The following KAZN variants were observed in gnomAD, a reference collection of about 807,000 sequenced individuals.
KAZN encodes kazrin.
A neutral mutation model predicts 87.4 loss-of-function variants in KAZN; 40 were observed. That is an observed-to-expected ratio of 0.46 (90% CI 0.36 to 0.60). KAZN has a LOEUF of 0.60. Among genes scored for constraint, KAZN ranks in the 20% least tolerant of loss-of-function variants. The pLI, the probability that KAZN is intolerant of heterozygous loss-of-function variation, is 0.00. For synonymous variants in KAZN, 466 were observed against 458.3 expected, an observed-to-expected ratio of 1.02 and a Z score of -0.22; for missense variants, 898 against 1,073.9, an observed-to-expected ratio of 0.84 and a Z score of 2.29.
chr1:14,677,125 C>T (rs1640272846), intron 1 of KAZN, among the ~76,000 whole-genome samples: 1 of 152,104 alleles, frequency 6.6e-6, no homozygotes, highest in African/African-American at 2.4e-5. Context: ...GCATACCTCT[C>T]TTTGTGTCAT....
intron 1 of KAZN, among the ~76,000 whole-genome samples, chr1:14,691,733 C>T (rs185611845): frequency 8.5e-5 from 13 of 152,118 alleles, no homozygotes; most frequent in Non-Finnish European, 1.6e-4. Flanking sequence ...GTGATCTGCC[C>T]GCCTCAGCCT....
At chr1:14,731,563 T>A (rs2100364855) in intron 1 of KAZN, among the ~76,000 whole-genome samples, 1 of 152,314 alleles carries the variant, frequency 6.6e-6, no homozygotes, top group South Asian at 2.1e-4. Flanking sequence ...CCATCTATTA[T>A]CTCTTGTCAC....
At chr1:15,073,444 AG>A (rs1160987274) in intron 8 of KAZN, among the ~76,000 whole-genome samples, 1 of 152,116 alleles carries the variant, frequency 6.6e-6, no homozygotes, top group African/African-American at 2.4e-5. Flanking sequence ...GGCCATCACA[AG>A]GTAGGTTGAG....
At chr1:13,941,414 C>A (rs1224070835) in intron 1 of KAZN, among the ~76,000 whole-genome samples, 1 of 152,142 alleles carries the variant, frequency 6.6e-6, no homozygotes, top group Non-Finnish European at 1.5e-5. Flanking sequence ...TCCTCAGCTA[C>A]ATGTGGTCTC....
At chr1:14,793,962 A>G (rs1645756689) in intron 1 of KAZN, among the ~76,000 whole-genome samples, 2 of 152,338 alleles carry the variant, frequency 1.3e-5, no homozygotes, top group South Asian at 4.1e-4. Flanking sequence ...ACCTGAGGAA[A>G]TTAAAAACCA....
At chr1:13,906,277 A>T (rs1463946859) in intron 1 of KAZN, among the ~76,000 whole-genome samples, 1 of 152,178 alleles carries the variant, frequency 6.6e-6, no homozygotes, top group Non-Finnish European at 1.5e-5. Flanking sequence ...TTGTATTTTC[A>T]AATGTTTTAT....
chr1:14,504,684 C>T (rs1670456342), intron 2 of KAZN, among the ~76,000 whole-genome samples: 1 of 152,144 alleles, frequency 6.6e-6, no homozygotes, highest in South Asian at 2.1e-4. Context: ...CCAGTCAAAG[C>T]TTTGAATTAA....
intron 1 of KAZN, among the ~76,000 whole-genome samples, chr1:13,950,956 T>C (rs1471395007): frequency 6.6e-6 from 1 of 152,158 alleles, no homozygotes; most frequent in East Asian, 1.9e-4. Context: ...CTCGGGAAAC[T>C]GTCAAAGGAG....
chr1:14,475,784 A>T (rs1668689170), intron 2 of KAZN, among the ~76,000 whole-genome samples: 1 of 152,204 alleles, frequency 6.6e-6, no homozygotes, highest in Non-Finnish European at 1.5e-5. Context: ...ACTGTCAATG[A>T]TGTGAGGCAA....
At chr1:14,433,303 GT>G (rs1318500710) in intron 2 of KAZN, among the ~76,000 whole-genome samples, 1 of 152,070 alleles carries the variant, frequency 6.6e-6, no homozygotes, top group Non-Finnish European at 1.5e-5. Context: ...CCATAGATTA[GT>G]TTTGCCTGTT....
At chr1:14,998,737 C>G (rs1026479220) in intron 2 of KAZN, among the ~76,000 whole-genome samples, 1 of 151,966 alleles carries the variant, frequency 6.6e-6, no homozygotes, top group Admixed American at 6.6e-5. Context: ...TTAGTAGAGA[C>G]GGGGTTTCGC....
intron 1 of KAZN, among the ~76,000 whole-genome samples, chr1:13,917,797 CAAAAAAA>C (rs35268955): frequency 2.3e-4 from 18 of 77,944 alleles, no homozygotes; most frequent in East Asian, 2.0e-3. Flanking sequence ...CCTGTGTCAT[CAAAAAAA>C]AAAAAAAAAA....
At chr1:14,516,284 T>A (rs907852751) in intron 2 of KAZN, among the ~76,000 whole-genome samples, 3 of 152,224 alleles carry the variant, frequency 2.0e-5, no homozygotes, top group African/African-American at 7.2e-5. Context: ...CTGTGTTGGC[T>A]TTACTCTCTA....
intron 2 of KAZN, among the ~76,000 whole-genome samples, chr1:14,334,680 G>C (rs1234681479): frequency 2.0e-5 from 3 of 152,210 alleles, no homozygotes; most frequent in Non-Finnish European, 4.4e-5. Context: ...TGAAGGCTGG[G>C]CTGGGGCTGG....
intron 1 of KAZN, among the ~76,000 whole-genome samples, chr1:14,747,901 C>A (rs753052105): frequency 6.6e-6 from 1 of 152,184 alleles, no homozygotes; most frequent in East Asian, 1.9e-4. Flanking sequence ...AAGTGGTATT[C>A]GGCTTATATT....
At chr1:14,574,568 C>T (rs562480084) in intron 2 of KAZN, among the ~76,000 whole-genome samples, 1 of 152,298 alleles carries the variant, frequency 6.6e-6, no homozygotes, top group South Asian at 2.1e-4. Flanking sequence ...TCATCTTCTG[C>T]CGTGATTGTG....
intron 2 of KAZN, among the ~76,000 whole-genome samples, chr1:15,018,858 A>T (rs1281864383): frequency 6.6e-6 from 1 of 152,018 alleles, no homozygotes; most frequent in Admixed American, 6.5e-5. Context: ...CTGTCTTCAC[A>T]CCTTTGAAAT....
chr1:15,004,647 C>T (rs1668821695), intron 2 of KAZN, among the ~76,000 whole-genome samples: 1 of 152,190 alleles, frequency 6.6e-6, no homozygotes, highest in African/African-American at 2.4e-5. Context: ...GAGATGGTGT[C>T]TCACTGAAGT....
chr1:14,101,381 C>T (rs1644246108), intron 1 of KAZN, among the ~76,000 whole-genome samples: 4 of 152,156 alleles, frequency 2.6e-5, no homozygotes, highest in Admixed American at 2.6e-4. Flanking sequence ...GTTTTTATCT[C>T]CTTTTTCAGA....
Sources: allele counts gnomAD v4.1 joint callset (sites outside exome capture counted in the v4.1 genomes callset), GRCh38; gene constraint gnomAD v4.1.1; transcripts MANE v1.5; gene names NCBI Gene and HGNC (gene_info 2026-07-23, HGNC 2026-07-21).